The following FAM13A variants were observed in gnomAD, a reference collection of about 807,000 sequenced individuals.
The protein encoded by FAM13A is family with sequence similarity 13 member A.
Under a neutral mutation model 129.6 loss-of-function variants are expected in FAM13A, and 76 were observed. The ratio of observed to expected loss-of-function variants is 0.59; its 90% CI spans 0.49 to 0.71. FAM13A has a LOEUF of 0.71. Ranked by LOEUF, FAM13A falls within the 30% of genes least tolerant of loss-of-function variation. The pLI is 0.00. For missense variants in FAM13A, 1,108 were observed against 1,249.3 expected (o/e 0.89, Z 1.70); for synonymous variants, 443 against 449.9 (o/e 0.98, Z 0.20).
At chr4:88,800,869 T>G (rs1029651695) in intron 8 of FAM13A, among the ~76,000 whole-genome samples, 7 of 152,262 alleles carry the variant, frequency 4.6e-5, no homozygotes, top group African/African-American at 1.7e-4. Context: ...TTCCACTTCT[T>G]AGTAGCCTAA....
At chr4:88,870,420 A>C (rs34549728) in intron 6 of FAM13A, among the ~76,000 whole-genome samples, 2,543 of 152,012 alleles carry the variant, frequency 0.017, 29 homozygotes, top group Non-Finnish European at 0.025. Flanking sequence ...AAATTGGGTC[A>C]CTCCTGCCCT....
intron 4 of FAM13A, among the ~76,000 whole-genome samples, chr4:88,968,866 C>A (rs369833333): frequency 6.6e-6 from 1 of 152,040 alleles, no homozygotes; most frequent in Non-Finnish European, 1.5e-5. Flanking sequence ...ATGCCTATAA[C>A]GCTGTTAGGG....
intron 1 of FAM13A, among the ~76,000 whole-genome samples, chr4:89,038,074 G>C (rs1027869410): frequency 6.6e-6 from 1 of 152,222 alleles, no homozygotes; most frequent in Non-Finnish European, 1.5e-5. Context: ...TCCAGTGCTT[G>C]AGCTTTTAAT....
At chr4:88,887,469 T>C (rs1283616930) in intron 6 of FAM13A, among the ~76,000 whole-genome samples, 1 of 152,154 alleles carries the variant, frequency 6.6e-6, no homozygotes, top group African/African-American at 2.4e-5. Flanking sequence ...TCTAGTCATC[T>C]GACCCAGGAA....
At chr4:88,985,857 A>AC (rs1762167958) in intron 4 of FAM13A, among the ~76,000 whole-genome samples, 1 of 151,926 alleles carries the variant, frequency 6.6e-6, no homozygotes, top group Admixed American at 6.6e-5. Context: ...ATAAAAAAAA[A>AC]AAAACTGTTG....
chr4:88,984,322 C>T (rs1189068471), intron 4 of FAM13A, among the ~76,000 whole-genome samples: 1 of 151,950 alleles, frequency 6.6e-6, no homozygotes, highest in African/African-American at 2.4e-5. Flanking sequence ...AACCTCTGCA[C>T]TTAAAAGGAC....
At chr4:88,753,304 G>A (rs948057509) in intron 14 of FAM13A, among the ~76,000 whole-genome samples, 1 of 152,132 alleles carries the variant, frequency 6.6e-6, no homozygotes. Context: ...TGTGGCTAAC[G>A]GCAGGGCCAT....
intron 2 of FAM13A, among the ~76,000 whole-genome samples, chr4:89,023,735 A>G (rs1767588585): frequency 6.6e-6 from 1 of 152,182 alleles, no homozygotes; most frequent in African/African-American, 2.4e-5. Flanking sequence ...ATAATTCGTG[A>G]TGTTCAACTA....
intron 11 of FAM13A, among the ~76,000 whole-genome samples, chr4:88,780,808 T>C (rs1722690282): frequency 6.6e-6 from 1 of 152,060 alleles, no homozygotes; most frequent in African/African-American, 2.4e-5. Flanking sequence ...ATTCATTAAT[T>C]TATAAAACAT....
At chr4:88,730,694 C>G (rs544839892) in intron 23 of FAM13A, among the ~76,000 whole-genome samples, 1 of 152,322 alleles carries the variant, frequency 6.6e-6, no homozygotes, top group Non-Finnish European at 1.5e-5. Context: ...GCCTGGCCGA[C>G]TTACTGATTT....
At chr4:88,947,373 C>A (rs1236718669) in intron 4 of FAM13A, among the ~76,000 whole-genome samples, 4 of 152,146 alleles carry the variant, frequency 2.6e-5, no homozygotes, top group East Asian at 3.9e-4. Flanking sequence ...CGCGCCACTG[C>A]ATTCTAACTT....
At chr4:88,830,608 C>T (rs1342441438) in intron 7 of FAM13A, among the ~76,000 whole-genome samples, 3 of 152,042 alleles carry the variant, frequency 2.0e-5, no homozygotes, top group African/African-American at 4.8e-5. Context: ...CAAAGATGCC[C>T]CTCTTTAATT....
chr4:88,860,971 A>G (rs1739392285), intron 6 of FAM13A, among the ~76,000 whole-genome samples: 1 of 152,224 alleles, frequency 6.6e-6, no homozygotes. Context: ...ACTTTATTTT[A>G]CAACATATTC....
chr4:88,734,315 G>A (rs1738515508), intron 21 of FAM13A, among the ~76,000 whole-genome samples: 1 of 152,196 alleles, frequency 6.6e-6, no homozygotes, highest in Admixed American at 6.5e-5. Context: ...GTCTACAGCA[G>A]CCCCTCTGCC....
chr4:88,799,959 A>C (rs1035986795), intron 8 of FAM13A, among the ~76,000 whole-genome samples: 1 of 152,246 alleles, frequency 6.6e-6, no homozygotes, highest in South Asian at 2.1e-4. Flanking sequence ...ATAGATGGAA[A>C]TATTATTCAG....
At chr4:88,873,451 A>G (rs567325446) in intron 6 of FAM13A, among the ~76,000 whole-genome samples, 4 of 152,356 alleles carry the variant, frequency 2.6e-5, no homozygotes, top group Admixed American at 2.6e-4. Flanking sequence ...AAAAATGATA[A>G]AGGGGATATC....
At chr4:88,741,846 T>C (rs1210648105) in intron 19 of FAM13A, among the ~76,000 whole-genome samples, 1 of 152,200 alleles carries the variant, frequency 6.6e-6, no homozygotes, top group African/African-American at 2.4e-5. Context: ...GTATAAGGGA[T>C]ACTCAACCTG....
chr4:88,833,415 C>T (rs1376902911), intron 7 of FAM13A, among the ~76,000 whole-genome samples: 1 of 152,026 alleles, frequency 6.6e-6, no homozygotes, highest in Non-Finnish European at 1.5e-5. Context: ...TTAAAGCCTT[C>T]TGCCTTATTT....
intron 4 of FAM13A, among the ~76,000 whole-genome samples, chr4:88,985,702 T>A (rs557540505): frequency 5.2e-4 from 79 of 152,280 alleles, no homozygotes; most frequent in Non-Finnish European, 6.2e-4. Flanking sequence ...TAGGAATTAA[T>A]CTTGGTGATA....
Sources: gnomAD v4.1 joint callset for allele counts (sites outside exome capture counted in the v4.1 genomes callset) on GRCh38, gnomAD v4.1.1 for gene constraint, MANE v1.5 for transcripts, NCBI Gene and HGNC (gene_info 2026-07-23, HGNC 2026-07-21) for gene names.